LNP1: variants seen among roughly 807,000 people sequenced by gnomAD.
LNP1 encodes the protein leukemia NUP98 fusion partner 1.
In LNP1, 12 loss-of-function variants were observed where a neutral mutation model predicts 14.5. That is an observed-to-expected ratio of 0.83 (90% CI 0.53 to 1.34). The LOEUF is 1.34. LNP1 is among the 40% of genes most tolerant of loss of function. The pLI, the probability that LNP1 is intolerant of heterozygous loss-of-function variation, is 0.00. For missense variants in LNP1, 198 were observed against 210.9 expected, an observed-to-expected ratio of 0.94 and a Z score of 0.38; for synonymous variants, 75 against 71.4, an observed-to-expected ratio of 1.05 and a Z score of -0.26.
intron 2 of LNP1, among the ~76,000 whole-genome samples, chr3:100,446,262 A>AT (rs1707385733): frequency 6.6e-6 from 1 of 152,270 alleles, no homozygotes; most frequent in South Asian, 2.1e-4. Context: ...ATATAGACCA[A>AT]TGGAACAGAA....
chr3:100,436,808 A>G lies in LNP1; in HGVS notation c.156+6923A>G, dbSNP rs535096549. 1.2e-3 allele frequency among the ~76,000 whole-genome samples: 179 copies of G among 152,236 alleles called. 1 individual carries two copies. Among genetic ancestry groups the G allele is most frequent in the Non-Finnish European group, 2.0e-3 (135 of 68,002 alleles). On this transcript the variant is annotated intron_variant, in intron 2 of 3. Transcript: ENST00000383693. ...TTTGGAAATGGAGCCTTTGGGAGAT[A>G]ATTAGGGTTAGATGAGTTCATGAGG...
chr3:100,451,540 G>A, intron 2 of LNP1, 179 bp from the exon 3 acceptor site: 1 of 583,222 alleles, frequency 1.7e-6, no homozygotes, highest in Non-Finnish European at 3.0e-6. Context: ...GCTGTTCCCA[G>A]CTTGACTTTT....
chr3:100,450,583 C>T (rs1019208605), intron 2 of LNP1, among the ~76,000 whole-genome samples: 89 of 152,178 alleles, frequency 5.8e-4, no homozygotes, highest in African/African-American at 2.0e-3. Flanking sequence ...GTGATCCCTC[C>T]GCCTTGTCCT....
intron 1 of LNP1, among the ~76,000 whole-genome samples, chr3:100,415,870 C>T (rs1707078984): frequency 6.6e-6 from 1 of 152,116 alleles, no homozygotes; most frequent in African/African-American, 2.4e-5. Flanking sequence ...TCCTCTTCTA[C>T]CACTTATAAG....
At chr3:100,406,019 C>T (rs761893257) in intron 1 of LNP1, among the ~76,000 whole-genome samples, 3 of 152,216 alleles carry the variant, frequency 2.0e-5, no homozygotes, top group Non-Finnish European at 4.4e-5. Flanking sequence ...GGTGCAGTGG[C>T]TTGTGCCTGT....
chr3:100,414,132 A>G (rs746302205), intron 1 of LNP1, among the ~76,000 whole-genome samples: 8 of 152,282 alleles, frequency 5.3e-5, no homozygotes, highest in East Asian at 3.9e-4. Context: ...TTTATTACAT[A>G]TCATAATTTT....
At chr3:100,452,941 G>A (rs115578206) in intron 3 of LNP1, among the ~76,000 whole-genome samples, 1 of 152,214 alleles carries the variant, frequency 6.6e-6, no homozygotes, top group African/African-American at 2.4e-5. Flanking sequence ...TAGGTCTTTG[G>A]TTTTTTGTTT....
intron 1 of LNP1, among the ~76,000 whole-genome samples, chr3:100,426,933 A>T (rs561017228): frequency 4.7e-4 from 72 of 152,302 alleles, no homozygotes; most frequent in African/African-American, 1.6e-3. Flanking sequence ...CAGGTGCTAT[A>T]GACACAGAAT....
intron 2 of LNP1, among the ~76,000 whole-genome samples, chr3:100,430,786 G>A (rs998257699): frequency 1.3e-5 from 2 of 152,200 alleles, no homozygotes; most frequent in Non-Finnish European, 2.9e-5. Flanking sequence ...ACATATGAAA[G>A]TGTGTAAGGC....
chr3:100,409,557 T>TAC (rs35651277), intron 1 of LNP1, among the ~76,000 whole-genome samples: 5,276 of 126,264 alleles, frequency 0.042, 114 homozygotes, highest in Non-Finnish European at 0.05. Context: ...TATATATACA[T>TAC]ACACACACAC....
intron 1 of LNP1, among the ~76,000 whole-genome samples, chr3:100,427,097 A>G (rs1707199828): frequency 6.6e-6 from 1 of 151,954 alleles, no homozygotes; most frequent in Admixed American, 6.6e-5. Flanking sequence ...GCGATGGGGT[A>G]TTATTTCCCC....
intron 3 of LNP1, among the ~76,000 whole-genome samples, chr3:100,453,133 G>A (rs572165755): frequency 5.9e-5 from 9 of 152,136 alleles, no homozygotes; most frequent in Non-Finnish European, 1.0e-4. Context: ...TAGCAGACTG[G>A]CTGTTGGGAC....
At chr3:100,455,552 A>T (rs561941053) in intron 3 of LNP1, among the ~76,000 whole-genome samples, 1 of 152,300 alleles carries the variant, frequency 6.6e-6, no homozygotes, top group African/African-American at 2.4e-5. Context: ...TGCAGGTTGT[A>T]CTTCCTTCCC....
chr3:100,441,555 C>G (rs1289833475), intron 2 of LNP1, among the ~76,000 whole-genome samples: 1 of 151,924 alleles, frequency 6.6e-6, no homozygotes, highest in Non-Finnish European at 1.5e-5. Context: ...TAGCAATATG[C>G]AGCAAATTTT....
At chr3:100,452,976 TG>T (rs1707474533) in intron 3 of LNP1, among the ~76,000 whole-genome samples, 1 of 152,170 alleles carries the variant, frequency 6.6e-6, no homozygotes, top group Non-Finnish European at 1.5e-5. Flanking sequence ...GGAATAATAA[TG>T]GGTCACTGCC....
chr3:100,426,515 A>T (rs1389240695), intron 1 of LNP1, among the ~76,000 whole-genome samples: 1 of 152,250 alleles, frequency 6.6e-6, no homozygotes, highest in Admixed American at 6.5e-5. Context: ...GGTCAGATTT[A>T]GAGTCCAATT....
At chr3:100,455,044 C>G (rs1707497315) in intron 3 of LNP1, among the ~76,000 whole-genome samples, 1 of 152,186 alleles carries the variant, frequency 6.6e-6, no homozygotes, top group South Asian at 2.1e-4. Context: ...ACCCTCTGGC[C>G]ATATAACTAA....
At chr3:100,454,966 C>A (rs1707496363) in intron 3 of LNP1, among the ~76,000 whole-genome samples, 1 of 152,090 alleles carries the variant, frequency 6.6e-6, no homozygotes. Context: ...TTTTTTAAAA[C>A]AGAAGGATAA....
At chr3:100,413,988 A>C (rs896718791) in intron 1 of LNP1, among the ~76,000 whole-genome samples, 2 of 152,216 alleles carry the variant, frequency 1.3e-5, no homozygotes, top group African/African-American at 4.8e-5. Flanking sequence ...TCAACAATGA[A>C]GAAAAGACCC....
Sources: gnomAD v4.1 joint callset for allele counts (sites outside exome capture counted in the v4.1 genomes callset) on GRCh38, gnomAD v4.1.1 for gene constraint, MANE v1.5 for transcripts, NCBI Gene and HGNC (gene_info 2026-07-23, HGNC 2026-07-21) for gene names.